The following STX2 variants were observed in gnomAD, a reference collection of about 807,000 sequenced individuals.
STX2 encodes syntaxin 2, also known as syntaxin-2.
STX2 carries 27 observed loss-of-function variants against 40.6 expected under a neutral mutation model. The ratio of observed to expected loss-of-function variants is 0.66; its 90% confidence interval spans 0.49 to 0.92. The LOEUF (loss-of-function observed/expected upper bound fraction) is 0.92, where lower values mean the gene tolerates loss of function less well. Among genes scored for constraint, STX2 ranks in the 40% least tolerant of loss-of-function variants. STX2 has a pLI of 0.00. For missense variants in STX2, 328 were observed against 366.1 expected (o/e 0.90, Z 0.85); for synonymous variants, 123 against 119.1 (o/e 1.03, Z -0.22).
chr12:130,806,132 G>C (rs1168271583), intron 6 of STX2, among the ~76,000 whole-genome samples: 1 of 152,222 alleles, frequency 6.6e-6, no homozygotes, highest in Admixed American at 6.5e-5. Flanking sequence ...TAAAACATGA[G>C]GAGCCTCGCT....
chr12:130,820,484 G>A (rs1952069889), intron 3 of STX2, among the ~76,000 whole-genome samples: 1 of 152,090 alleles, frequency 6.6e-6, no homozygotes, highest in African/African-American at 2.4e-5. Context: ...TGGCCAATAT[G>A]GTGAAATCCC....
rs201465511 is a variant in STX2, at chr12:130,793,459, GC to G, written c.*46-1483del. ...GGCCACCTGGAGTCAGCTCCACGCA[GC>G]GTGCTCTCATCTCCTGCTGCTGTTG... On this transcript the variant is annotated intron_variant, in intron 10 of 10. Coordinates refer to ENST00000392373, the MANE Select transcript of STX2 (RefSeq NM_194356.4). 6.2e-3 allele frequency among the ~76,000 whole-genome samples: 940 copies of G among 152,270 alleles called. 10 individuals are homozygous for G. Among genetic ancestry groups the G allele is most frequent in the African/African-American group, 0.022 (899 of 41,542 alleles).
chr12:130,813,636 C>T (rs1429327532), intron 3 of STX2, among the ~76,000 whole-genome samples: 1 of 152,212 alleles, frequency 6.6e-6, no homozygotes, highest in African/African-American at 2.4e-5. Context: ...AGAGCAGGAG[C>T]TGACACTCCA....
At chr12:130,813,633 G>T (rs938233408) in intron 3 of STX2, among the ~76,000 whole-genome samples, 1 of 152,194 alleles carries the variant, frequency 6.6e-6, no homozygotes, top group African/African-American at 2.4e-5. Context: ...AGCAGAGCAG[G>T]AGCTGACACT....
intron 3 of STX2, among the ~76,000 whole-genome samples, chr12:130,817,320 C>T (rs1365932391): frequency 6.6e-6 from 1 of 152,054 alleles, no homozygotes; most frequent in Non-Finnish European, 1.5e-5. Context: ...AAAAATAATT[C>T]CATAGATGAA....
In STX2 at chr12:130,799,886, A is replaced by T. The variant is rs74999697; in HGVS notation, c.676-1251T>A. Among the ~76,000 whole-genome samples the T allele has an allele frequency of 4.1e-3, 626 of 152,156 alleles. 3 individuals carry two copies. The highest frequency in any genetic ancestry group is 0.017 in the Middle Eastern group (5 of 292). On this transcript the variant is annotated intron_variant, in intron 8 of 10. Transcript: ENST00000392373. ...TTCTCATTATAAAGTTCTTCAAAAT[A>T]CAGTGTTTCTTAACAAGGTTGCTGA...
At chr12:130,822,479 C>A (rs1322471217) in intron 2 of STX2, among the ~76,000 whole-genome samples, 2 of 152,096 alleles carry the variant, frequency 1.3e-5, no homozygotes. Context: ...ATAGCTCATA[C>A]AGCCAAGGCT....
At chr12:130,794,884 G>A (rs1950982626) in intron 10 of STX2, among the ~76,000 whole-genome samples, 1 of 152,154 alleles carries the variant, frequency 6.6e-6, no homozygotes, top group Non-Finnish European at 1.5e-5. Flanking sequence ...CTAGACACCT[G>A]GGAACAGTTC....
rs1950870747 is a variant in STX2 at position 130,791,332 on chromosome 12, C to T, written c.*691G>A. On this transcript the variant is annotated 3_prime_UTR_variant, in exon 11 of 11. Coordinates refer to ENST00000392373, the MANE Select transcript of STX2 (RefSeq NM_194356.4). ...GTCAGGAGTTTGAGGCCAGCCTGGCCAGCATGGTAAAACCCCGTCTCTACT... is the reference window on the plus strand; with the variant it reads ...GTCAGGAGTTTGAGGCCAGCCTGGCTAGCATGGTAAAACCCCGTCTCTACT... The T allele has an allele frequency of 6.6e-6, 1 of 152,090 alleles. No individual in the cohort carries two copies. The highest frequency in any genetic ancestry group is 2.4e-5 in the African/African-American group (1 of 41,386). The allele number at this position is 152,090 out of a possible 1,614,324, so 9.4% of individuals were successfully genotyped here.
At position 130,802,584 on chromosome 12, in the gene STX2, ACCTCC is replaced by A. The variant is rs1157038249; in HGVS notation, c.464-1101_464-1097del. Among the ~76,000 whole-genome samples the A allele has an allele frequency of 3.3e-5, 5 of 151,974 alleles. No individual in the cohort carries two copies. The East Asian group carries it at 9.7e-4, about 29-fold the overall frequency. Reference sequence around the variant, plus strand: ...GCAATCTCAGCTCACTGCCGCTTTGACCTCCTAGGCTCAAGCAATCCTCCTGCTCC... The same window carrying A: ...GCAATCTCAGCTCACTGCCGCTTTGATAGGCTCAAGCAATCCTCCTGCTCC... On this transcript the variant is annotated intron_variant, in intron 6 of 10. Transcript: ENST00000392373.
At chr12:130,812,819 TTACA>T (rs1951710448) in intron 4 of STX2, 134 bp downstream of exon 4, 2 of 637,778 alleles carry the variant, frequency 3.1e-6, no homozygotes, top group African/African-American at 3.8e-5. Flanking sequence ...GTACTCTGAA[TTACA>T]TACAAATAAT....
intron 2 of STX2, among the ~76,000 whole-genome samples, chr12:130,826,962 T>C (rs1952336411): frequency 6.6e-6 from 1 of 151,370 alleles, no homozygotes; most frequent in Non-Finnish European, 1.5e-5. Context: ...TGAGCCGAGA[T>C]TGTGCCACTG....
rs748704461 is a variant in STX2 at position 130,821,835 on chromosome 12, GACC to G, written c.106-50_106-48del. 12 of 1,254,980 alleles carry G rather than the reference GACC, an allele frequency of 9.6e-6. No individual in the cohort carries two copies. The South Asian group carries it at 1.4e-4, about 15-fold the overall frequency. The allele number at this position is 1,254,980 out of a possible 1,614,324, so 77.7% of individuals were successfully genotyped here. On this transcript the variant is annotated intron_variant, in intron 2 of 10. Transcript: ENST00000392373. ...TACAGCATGGCAAACTCAAATCTGT[GACC>G]ACTTTTCATCCCCTAAAAGGGGAAG... is the stretch of plus-strand genomic sequence containing the variant.
At chr12:130,792,123 T>A (rs2137000066) in intron 10 of STX2, 146 bp from the exon 11 acceptor site, 2 of 543,832 alleles carry the variant, frequency 3.7e-6, no homozygotes, top group Admixed American at 7.3e-5. Context: ...GAAAAGAATG[T>A]GATCTTGGCT....
At chr12:130,812,858 A>C (rs981277692) in intron 4 of STX2, 99 bp downstream of exon 4, 11 of 829,334 alleles carry the variant, frequency 1.3e-5, no homozygotes, top group Middle Eastern at 6.3e-4. Flanking sequence ...TCACTATTTT[A>C]ATTTTTAAAA....
intron 6 of STX2, 54 bp from the exon 7 acceptor site, chr12:130,801,542 A>T: frequency 6.7e-7 from 1 of 1,481,876 alleles, no homozygotes; most frequent in Non-Finnish European, 9.0e-7. Context: ...TTTAAAAACA[A>T]AGCCATTTGC....
chr12:130,824,836 A>T (rs1952240580), intron 2 of STX2, among the ~76,000 whole-genome samples: 1 of 152,222 alleles, frequency 6.6e-6, no homozygotes, highest in Non-Finnish European at 1.5e-5. Flanking sequence ...AATTAAGTGC[A>T]AAATAAATTG....
At chr12:130,828,878 AAAAG>A (rs770210887) in intron 1 of STX2, among the ~76,000 whole-genome samples, 1,657 of 149,552 alleles carry the variant, frequency 0.011, 16 homozygotes, top group Middle Eastern at 0.027. Flanking sequence ...AAAAAAAAAA[AAAAG>A]AAAAGAAAAG....
intron 6 of STX2, among the ~76,000 whole-genome samples, chr12:130,802,200 T>A (rs1951255004): frequency 6.6e-6 from 1 of 152,210 alleles, no homozygotes; most frequent in Non-Finnish European, 1.5e-5. Flanking sequence ...TTTTGGTTTT[T>A]GTCGCTTTGT....
Sources: gnomAD v4.1 joint callset for allele counts (sites outside exome capture counted in the v4.1 genomes callset) on GRCh38, gnomAD v4.1.1 for gene constraint, MANE v1.5 for transcripts, NCBI Gene and HGNC (gene_info 2026-07-23, HGNC 2026-07-21) for gene names.